SYCE1L: variants seen among roughly 807,000 people sequenced by gnomAD.
The protein encoded by SYCE1L is synaptonemal complex central element protein 1 like.
Under a neutral mutation model 39.6 loss-of-function variants are expected in SYCE1L, and 51 were observed. That is an observed-to-expected ratio of 1.29 (90% CI 1.03 to 1.63). The LOEUF (loss-of-function observed/expected upper bound fraction) is 1.63, where lower values mean the gene tolerates loss of function less well. Ranked by LOEUF, SYCE1L falls within the 40% of genes most tolerant of loss-of-function variation. SYCE1L has a pLI of 0.00. For missense variants in SYCE1L, 426 were observed against 304.9 expected (o/e 1.40, Z -2.96); for synonymous variants, 147 against 122.4 (o/e 1.20, Z -1.33).
Position 77,212,968 on chromosome 16 carries a change from G to T in SYCE1L, c.*37G>T, listed in dbSNP as rs1008313594. 19 of 1,459,132 alleles carry T rather than the reference G, an allele frequency of 1.3e-5. No homozygotes were observed. The highest frequency in any genetic ancestry group is 1.6e-5 in the Non-Finnish European group (18 of 1,100,066). The allele number at this position is 1,459,132 out of a possible 1,614,324, so 90.4% of individuals were successfully genotyped here. On this transcript the variant is annotated 3_prime_UTR_variant, in exon 11 of 11. Coordinates refer to ENST00000378644, the MANE Select transcript of SYCE1L (RefSeq NM_001129979.3). ...CCGCCCGTTCCCGACCTTCCCTCGA[G>T]ACCCGCCAAGAAATAAAGGCGATGA...
chr16:77,211,761 C>T (rs2054824082), intron 7 of SYCE1L, among the ~76,000 whole-genome samples: 1 of 152,138 alleles, frequency 6.6e-6, no homozygotes, highest in South Asian at 2.1e-4. Flanking sequence ...GGGAAGGCCT[C>T]TAAGCAAGTG....
In SYCE1L at chr16:77,209,461, G is replaced by A. The variant is rs368032327; in HGVS notation, c.349G>A (p.Glu117Lys). ...LQMHCQEKES[E>K]AQRLDVRGQL... ...GATGCACTGCCAAGAGAAGGAAAGC[G>A]AGGCTCAGAGGTAAGAGGCCCTGCC... The change falls in exon 6 of 11, where the codon GAG (glutamate) becomes AAG (lysine). Residue 117 changes from glutamate (E) to lysine (K), a missense_variant. By Grantham distance (56) the Glu-to-Lys change is moderately conservative. Coordinates refer to ENST00000378644, the MANE Select transcript of SYCE1L (RefSeq NM_001129979.3). The A allele has an allele frequency of 5.8e-6, 9 of 1,551,582 alleles. No individual in the cohort carries two copies. The highest frequency in any genetic ancestry group is 2.0e-5 in the Admixed American group (1 of 50,978).
chr16:77,208,318 T>A, intron 3 of SYCE1L, 49 bp downstream of exon 3: 1 of 1,547,756 alleles, frequency 6.5e-7, no homozygotes, highest in Non-Finnish European at 8.7e-7. Flanking sequence ...AGGAAGTGAC[T>A]GGATTTATAA....
chr16:77,212,249 T>G (rs745322585), intron 8 of SYCE1L, 33 bp from the exon 9 acceptor site: 41 of 1,535,536 alleles, frequency 2.7e-5, no homozygotes, highest in Non-Finnish European at 3.1e-5. Flanking sequence ...TGCCCGGGCC[T>G]CGGCCCTGCC....
At chr16:77,206,369 G>T in intron 1 of SYCE1L, 72 bp from the exon 2 acceptor site, 1 of 1,400,700 alleles carries the variant, frequency 7.1e-7, no homozygotes, top group South Asian at 1.2e-5. Context: ...AGCCCACTGG[G>T]ACTTCCTGCC....
chr16:77,207,853 C>T (rs562742512), intron 2 of SYCE1L, among the ~76,000 whole-genome samples: 1 of 152,198 alleles, frequency 6.6e-6, no homozygotes, highest in Non-Finnish European at 1.5e-5. Flanking sequence ...GAATGGGTCC[C>T]CCCTCCATAC....
intron 6 of SYCE1L, among the ~76,000 whole-genome samples, chr16:77,210,977 G>T (rs904029771): frequency 2.0e-5 from 3 of 152,226 alleles, no homozygotes; most frequent in Non-Finnish European, 4.4e-5. Context: ...GGAATCTGGG[G>T]TAACTCCCAA....
At chr16:77,206,153 CAT>C (rs1322660402) in intron 1 of SYCE1L, among the ~76,000 whole-genome samples, 1 of 152,184 alleles carries the variant, frequency 6.6e-6, no homozygotes, top group African/African-American at 2.4e-5. Flanking sequence ...CATCAGCAAA[CAT>C]GCATTCTCTT....
intron 1 of SYCE1L, chr16:77,200,293 C>CATAT (rs2054724663): frequency 1.5e-5 from 1 of 66,524 alleles, no homozygotes. Flanking sequence ...TATATATATA[C>CATAT]ACACACTAAT....
chr16:77,211,356 C>A, intron 7 of SYCE1L, 80 bp downstream of exon 7: 1 of 1,492,022 alleles, frequency 6.7e-7, no homozygotes. Flanking sequence ...GAGTCCACCC[C>A]TGCCCAGGCT....
chr16:77,206,363 C>T, intron 1 of SYCE1L, 78 bp from the exon 2 acceptor site: 1 of 1,317,658 alleles, frequency 7.6e-7, no homozygotes, highest in Non-Finnish European at 1.1e-6. Flanking sequence ...CTGCAGAGCC[C>T]ACTGGGACTT....
chr16:77,207,912 G>A (rs548317727), intron 2 of SYCE1L, among the ~76,000 whole-genome samples: 8 of 151,980 alleles, frequency 5.3e-5, no homozygotes, highest in Admixed American at 5.2e-4. Flanking sequence ...TCTCATCTGG[G>A]GCCTTTGCAT....
intron 6 of SYCE1L, among the ~76,000 whole-genome samples, chr16:77,210,640 A>C (rs543785865): frequency 6.6e-6 from 1 of 152,260 alleles, no homozygotes; most frequent in African/African-American, 2.4e-5. Flanking sequence ...ATTAGGGTTC[A>C]AGCCAGGATG....
chr16:77,206,392 C>T (rs993512475), intron 1 of SYCE1L, 49 bp from the exon 2 acceptor site: 145 of 1,518,288 alleles, frequency 9.6e-5, no homozygotes, highest in Non-Finnish European at 1.2e-4. Context: ...CCTTCTCTCT[C>T]CCCTCTCACT....
At chr16:77,211,549 C>T (rs1224016471) in intron 7 of SYCE1L, among the ~76,000 whole-genome samples, 1 of 152,174 alleles carries the variant, frequency 6.6e-6, no homozygotes, top group Non-Finnish European at 1.5e-5. Flanking sequence ...TGTATGTTCA[C>T]CTTGCAGTGG....
intron 1 of SYCE1L, 46 bp from the exon 2 acceptor site, chr16:77,206,395 C>G: frequency 2.0e-6 from 3 of 1,528,456 alleles, no homozygotes; most frequent in Non-Finnish European, 1.8e-6. Context: ...TCTCTCTCCC[C>G]TCTCACTCTC....
chr16:77,199,774 G>T (rs910434956), intron 1 of SYCE1L: 5 of 361,734 alleles, frequency 1.4e-5, no homozygotes, highest in African/African-American at 8.4e-5. Context: ...AGTTCAGTAC[G>T]AAAGTCTTCA....
chr16:77,209,026 C>T, intron 4 of SYCE1L, 71 bp from the exon 5 acceptor site: 1 of 1,500,330 alleles, frequency 6.7e-7, no homozygotes, highest in Non-Finnish European at 9.1e-7. Flanking sequence ...TGTGGCTTTC[C>T]CCTTATATGA....
intron 1 of SYCE1L, among the ~76,000 whole-genome samples, chr16:77,203,555 C>G (rs1300773052): frequency 1.3e-5 from 2 of 149,420 alleles, no homozygotes; most frequent in Non-Finnish European, 3.0e-5. Flanking sequence ...TGCAAACATG[C>G]TGTAAGTAAT....
Sources: gnomAD v4.1 joint callset for allele counts (sites outside exome capture counted in the v4.1 genomes callset) on GRCh38, gnomAD v4.1.1 for gene constraint, MANE v1.5 for transcripts, NCBI Gene and HGNC (gene_info 2026-07-23, HGNC 2026-07-21) for gene names.